LONRF1: variants seen among roughly 807,000 people sequenced by gnomAD.
The protein encoded by LONRF1 is LON peptidase N-terminal domain and ring finger 1, also known as LON peptidase N-terminal domain and RING finger protein 1.
In LONRF1, 37 loss-of-function variants were observed where a neutral mutation model predicts 85.8. The observed-to-expected ratio is 0.43, with a 90% CI of 0.33 to 0.57. The LOEUF (loss-of-function observed/expected upper bound fraction) is 0.57. Ranked by LOEUF, LONRF1 falls within the 20% of genes least tolerant of loss-of-function variation. The probability of loss-of-function intolerance (pLI) is 0.04; values close to 1 mark genes in which losing one functional copy is unlikely to be tolerated. For synonymous variants in LONRF1, 517 were observed against 390.1 expected (o/e 1.33, Z -3.83); for missense variants, 1,036 against 978.0 (o/e 1.06, Z -0.79).
intron 11 of LONRF1, among the ~76,000 whole-genome samples, chr8:12,725,080 G>C (rs983530562): frequency 6.6e-6 from 1 of 152,200 alleles, no homozygotes; most frequent in African/African-American, 2.4e-5. Flanking sequence ...GTAAGTCTAT[G>C]ATCAGATTTT....
At chr8:12,728,614 T>A (rs1798409404) in intron 10 of LONRF1, among the ~76,000 whole-genome samples, 1 of 152,220 alleles carries the variant, frequency 6.6e-6, no homozygotes, top group South Asian at 2.1e-4. Flanking sequence ...ATCACGTGTA[T>A]ACACACATGC....
chr8:12,754,902 T>G lies in LONRF1; in HGVS notation c.519A>C (p.Glu173Asp), dbSNP rs889343228. The G allele has an allele frequency of 4.7e-6, 7 of 1,492,692 alleles. No individual in the cohort carries two copies. The highest frequency in any genetic ancestry group is 6.2e-6 in the Non-Finnish European group (7 of 1,125,390). The allele number at this position is 1,492,692 out of a possible 1,614,324, so 92.5% of individuals were successfully genotyped here. The change falls in exon 1 of 12, where the codon GAA becomes GAC. Residue 173 changes from glutamate to aspartate, a missense_variant. Physicochemically the swap from Glu to Asp is conservative, Grantham distance 45. Coordinates refer to ENST00000398246, the MANE Select transcript of LONRF1 (RefSeq NM_152271.5). ...PPATASATDA[E>D]GTAPRPPPLA... ...GAGGCGGCGGCCGCGGGGCGGTCCC[T>G]TCAGCATCAGTGGCACTGGCGGTGG...
chr8:12,753,772 T>C (rs1409974228), intron 1 of LONRF1: 27 of 152,120 alleles, frequency 1.8e-4, no homozygotes, highest in Admixed American at 1.8e-3. Context: ...TAACCTAGGT[T>C]AGGAGGCCGA....
intron 3 of LONRF1, among the ~76,000 whole-genome samples, chr8:12,739,339 A>G (rs1192236345): frequency 2.7e-5 from 2 of 74,574 alleles, no homozygotes; most frequent in Non-Finnish European, 5.7e-5. Flanking sequence ...AAATATGTTC[A>G]GCAAAAAAAA....
In LONRF1 at chr8:12,738,089, G is replaced by C. The variant is rs925017117; in HGVS notation, c.1019C>G (p.Ser340Cys). ...TTTAGTACATGGTAATGAACTCCAG[G>C]AAGATTCCTTCAGGCCTTCTTTTAA... Reference protein sequence around the residue: ...ENLKEGLKESSWSSLPCTKNR... With the variant: ...ENLKEGLKESCWSSLPCTKNR... The change falls in exon 4 of 12, where the codon TCC becomes TGC. Residue 340 changes from serine to cysteine, a missense_variant. Around this residue, in one of 3 missense-constraint regions of LONRF1, gnomAD observed 742 missense variants for 614.4 expected, o/e 1.21. Coordinates refer to ENST00000398246, the MANE Select transcript of LONRF1 (RefSeq NM_152271.5). 1.9e-6 allele frequency: 3 copies of C among 1,606,944 alleles called. No homozygotes were observed. In the African/African-American group the frequency reaches 4.0e-5, roughly 22 times the overall value.
In LONRF1 at chr8:12,755,178, G is replaced by T; in HGVS notation, c.243C>A (p.Ala81=). 1 of 1,342,542 alleles carries T rather than the reference G, an allele frequency of 7.4e-7. No homozygotes were observed. 83.2% of individuals were successfully genotyped at this position (1,342,542 alleles called of 1,614,324 possible). Residue 81 remains alanine, a synonymous_variant, in exon 1 of 12, where the codon GCC becomes GCA. Coordinates refer to ENST00000398246, the MANE Select transcript of LONRF1 (RefSeq NM_152271.5). The part of the protein sequence containing the change: ...FAAALRRGAP[A]RPECLGALVD... ...CCAGGGCGCCCAGGCACTCGGGCCTGGCCGGGGCCCCGCGGCGCAGCGCCG... is the reference window on the plus strand; with the variant it reads ...CCAGGGCGCCCAGGCACTCGGGCCTTGCCGGGGCCCCGCGGCGCAGCGCCG...
chr8:12,733,112 A>C (rs7461006), intron 7 of LONRF1, among the ~76,000 whole-genome samples: 1 of 151,950 alleles, frequency 6.6e-6, no homozygotes, highest in Non-Finnish European at 1.5e-5. Context: ...GTTTCTAACA[A>C]GTTGTCAGGT....
chr8:12,732,116 T>C (rs902611304), intron 7 of LONRF1, among the ~76,000 whole-genome samples: 1 of 152,210 alleles, frequency 6.6e-6, no homozygotes, highest in Non-Finnish European at 1.5e-5. Flanking sequence ...TGACCACAGC[T>C]TCTCTATTAG....
intron 3 of LONRF1, among the ~76,000 whole-genome samples, chr8:12,740,102 T>C (rs1798873137): frequency 6.6e-6 from 1 of 152,160 alleles, no homozygotes. Flanking sequence ...CCCCACATGA[T>C]TCTGACAAAA....
intron 11 of LONRF1, among the ~76,000 whole-genome samples, chr8:12,724,039 A>C (rs559165213): frequency 6.6e-6 from 1 of 152,306 alleles, no homozygotes; most frequent in African/African-American, 2.4e-5. Context: ...TGACAAAAGG[A>C]GCTACGACAT....
rs905272882 is a variant in LONRF1, at chr8:12,754,801, C to G, written c.620G>C (p.Gly207Ala). 2 of 1,487,450 alleles carry G rather than the reference C, an allele frequency of 1.3e-6. No individual in the cohort carries two copies. The highest frequency in any genetic ancestry group is 1.8e-6 in the Non-Finnish European group (2 of 1,125,342). The allele number at this position is 1,487,450 out of a possible 1,614,324, so 92.1% of individuals were successfully genotyped here. Reference protein sequence around the residue: ...LNHLAEKWFPGQRERARAAGR... With the variant: ...LNHLAEKWFPAQRERARAAGR... ...GGCCGCCCGGGCCCGCTCGCGCTGG[C>G]CCGGAAACCACTTCTCGGCCAGGTG... The change falls in exon 1 of 12, where the codon GGC (glycine) becomes GCC (alanine). Residue 207 changes from glycine to alanine, a missense_variant. Gly to Ala is a moderately conservative substitution (Grantham distance 60). Transcript: ENST00000398246.
intron 10 of LONRF1, among the ~76,000 whole-genome samples, chr8:12,726,598 C>A (rs958304825): frequency 6.6e-6 from 1 of 152,192 alleles, no homozygotes; most frequent in Non-Finnish European, 1.5e-5. Flanking sequence ...TCAGAGAACA[C>A]AGGTGGGAAG....
intron 7 of LONRF1, among the ~76,000 whole-genome samples, chr8:12,733,565 AACTCTGTCCTTCAGTG>A: frequency 6.6e-6 from 1 of 152,308 alleles, no homozygotes; most frequent in African/African-American, 2.4e-5. Flanking sequence ...AGCAGACCTC[AACTCTGTCCTTCAGTG>A]ACAGATATAT....
intron 2 of LONRF1, 121 bp downstream of exon 2, chr8:12,743,043 G>GC (rs1348155380): frequency 1.3e-5 from 9 of 698,348 alleles, no homozygotes; most frequent in Non-Finnish European, 1.8e-5. Context: ...TATTTCTAGA[G>GC]CACTAGATAT....
intron 10 of LONRF1, among the ~76,000 whole-genome samples, chr8:12,728,318 A>G (rs938745014): frequency 3.3e-5 from 5 of 152,192 alleles, no homozygotes; most frequent in African/African-American, 7.2e-5. Context: ...CTGTTAAGAT[A>G]TCACCAACAT....
intron 8 of LONRF1, among the ~76,000 whole-genome samples, chr8:12,730,281 A>G (rs1428695043): frequency 6.6e-6 from 1 of 152,232 alleles, no homozygotes; most frequent in Non-Finnish European, 1.5e-5. Flanking sequence ...GAATAACATG[A>G]TCCCATCTTT....
At chr8:12,746,576 G>C (rs1238501644) in intron 1 of LONRF1, among the ~76,000 whole-genome samples, 1 of 152,136 alleles carries the variant, frequency 6.6e-6, no homozygotes, top group Non-Finnish European at 1.5e-5. Context: ...CTGTGACTTG[G>C]GGTAAATTAC....
chr8:12,755,323 C>A lies in LONRF1; in HGVS notation c.98G>T (p.Gly33Val). 8.0e-7 allele frequency: 1 copy of A among 1,254,262 alleles called. No individual in the cohort carries two copies. The allele number at this position is 1,254,262 out of a possible 1,614,324, so 77.7% of individuals were successfully genotyped here. The change falls in exon 1 of 12, where the codon GGC becomes GTC. Residue 33 changes from glycine to valine, a missense_variant. Transcript: ENST00000398246. ...CGCGCGCTCCAGCCGATGGCCGCTGCCGCCGCCCACTTCCCAGAACCGGCC... is the reference window on the plus strand; with the variant it reads ...CGCGCGCTCCAGCCGATGGCCGCTGACGCCGCCCACTTCCCAGAACCGGCC... ...GRGRFWEVGGGSGHRLERAAA... is the reference protein window; with the variant it reads ...GRGRFWEVGGVSGHRLERAAA...
chr8:12,746,570 G>T (rs1344332919), intron 1 of LONRF1, among the ~76,000 whole-genome samples: 1 of 152,148 alleles, frequency 6.6e-6, no homozygotes, highest in East Asian at 1.9e-4. Flanking sequence ...CACTCACTGT[G>T]ACTTGGGGTA....
Sources: gnomAD v4.1 joint callset for allele counts (sites outside exome capture counted in the v4.1 genomes callset) on GRCh38, gnomAD v4.1.1 for gene constraint, gnomAD v4.1.1 regional missense constraint, MANE v1.5 for transcripts, NCBI Gene and HGNC (gene_info 2026-07-23, HGNC 2026-07-21) for gene names.